BCAS1: variants seen among roughly 807,000 people sequenced by gnomAD.
The protein encoded by BCAS1 is brain enriched myelin associated protein 1, also known as breast carcinoma-amplified sequence 1.
A neutral mutation model predicts 65.4 loss-of-function variants in BCAS1; 46 were observed. The observed-to-expected ratio is 0.70, with a 90% CI of 0.55 to 0.90. The LOEUF is 0.90. BCAS1 is among the 40% of genes least tolerant of loss of function. The pLI is 0.00. For synonymous variants in BCAS1, 298 were observed against 293.5 expected (o/e 1.02, Z -0.16); for missense variants, 793 against 771.2 (o/e 1.03, Z -0.33).
At chr20:53,962,140 A>C (rs912849464) in intron 10 of BCAS1, among the ~76,000 whole-genome samples, 12 of 152,208 alleles carry the variant, frequency 7.9e-5, no homozygotes, top group African/African-American at 2.9e-4. Flanking sequence ...TAACATTTTA[A>C]TGCTCAGAGA....
intron 1 of BCAS1, among the ~76,000 whole-genome samples, chr20:54,061,273 C>G (rs1019689866): frequency 6.6e-6 from 1 of 152,192 alleles, no homozygotes; most frequent in African/African-American, 2.4e-5. Context: ...ACTAGCTTCC[C>G]TTAAAAAGGA....
At chr20:54,041,786 C>T (rs1022153076) in intron 3 of BCAS1, among the ~76,000 whole-genome samples, 1 of 151,232 alleles carries the variant, frequency 6.6e-6, no homozygotes, top group African/African-American at 2.4e-5. Context: ...GTAATCTCAG[C>T]TACTTGGGAG....
intron 4 of BCAS1, among the ~76,000 whole-genome samples, chr20:54,022,970 C>T (rs1477961524): frequency 6.6e-6 from 1 of 152,224 alleles, no homozygotes; most frequent in African/African-American, 2.4e-5. Context: ...TACTCCAAAA[C>T]TTGCATAATG....
intron 12 of BCAS1, among the ~76,000 whole-genome samples, chr20:53,952,883 C>A (rs2089570519): frequency 1.3e-5 from 2 of 152,234 alleles, no homozygotes; most frequent in Non-Finnish European, 2.9e-5. Context: ...CTGCCCAATT[C>A]ATGAACTGTT....
chr20:54,043,640 GTC>G (rs2092042559), intron 3 of BCAS1, among the ~76,000 whole-genome samples: 2 of 152,152 alleles, frequency 1.3e-5, no homozygotes, highest in African/African-American at 4.8e-5. Context: ...TTCTTACATG[GTC>G]CTCAGACTTG....
rs772827869 is a variant in BCAS1 at position 54,028,937 on chromosome 20, C to T, written c.178G>A (p.Ala60Thr). 6.2e-7 allele frequency: 1 copy of T among 1,613,450 alleles called. No homozygotes were observed. Among genetic ancestry groups the T allele is most frequent in the Non-Finnish European group, 8.5e-7 (1 of 1,179,862 alleles). Residue 60 changes from alanine (A) to threonine (T), a missense_variant, in exon 4 of 13, where the codon GCC becomes ACC. Ala to Thr is a moderately conservative substitution (Grantham distance 58). Coordinates refer to ENST00000688948, the MANE Select transcript of BCAS1 (RefSeq NM_001366298.2). ...LGISVKTDNV[A>T]TSSPETTEIS... ...TCCGTTGTCTCGGGGGAAGAAGTGG[C>T]CACATTATCCGTCTTGACACTTATT...
chr20:54,029,566 A>G (rs1310395520), intron 3 of BCAS1, among the ~76,000 whole-genome samples: 1 of 152,226 alleles, frequency 6.6e-6, no homozygotes, highest in Admixed American at 6.5e-5. Flanking sequence ...CTGAGCTGAA[A>G]TGTCTTTTTG....
intron 8 of BCAS1, among the ~76,000 whole-genome samples, chr20:53,977,875 CTTTT>C (rs919167398): frequency 6.6e-6 from 1 of 152,116 alleles, no homozygotes; most frequent in East Asian, 1.9e-4. Flanking sequence ...TGTTCTAATT[CTTTT>C]TTTAATTTAT....
intron 4 of BCAS1, among the ~76,000 whole-genome samples, chr20:53,999,820 T>C (rs1038637359): frequency 6.6e-6 from 1 of 152,146 alleles, no homozygotes; most frequent in African/African-American, 2.4e-5. Flanking sequence ...AACCTCTGTC[T>C]CCCTGGCTCA....
intron 3 of BCAS1, among the ~76,000 whole-genome samples, chr20:54,030,131 C>A (rs925834286): frequency 1.3e-5 from 2 of 152,162 alleles, no homozygotes; most frequent in African/African-American, 4.8e-5. Flanking sequence ...TCTACCTTGA[C>A]CTAAATTAAC....
At chr20:54,043,093 C>T (rs1265210836) in intron 3 of BCAS1, among the ~76,000 whole-genome samples, 1 of 152,172 alleles carries the variant, frequency 6.6e-6, no homozygotes, top group Non-Finnish European at 1.5e-5. Flanking sequence ...ACCACATAGC[C>T]AACTTACTGG....
chr20:53,989,351 T>A (rs868729459), intron 7 of BCAS1, among the ~76,000 whole-genome samples: 1 of 152,174 alleles, frequency 6.6e-6, no homozygotes, highest in Non-Finnish European at 1.5e-5. Flanking sequence ...ACTATATAAT[T>A]CTAATTTATT....
chr20:54,057,087 C>T (rs978164227), intron 3 of BCAS1, among the ~76,000 whole-genome samples: 5 of 152,074 alleles, frequency 3.3e-5, no homozygotes, highest in African/African-American at 9.7e-5. Flanking sequence ...TATATGTATC[C>T]GTCACATAGT....
At chr20:54,069,928 C>G (rs988157712) in intron 1 of BCAS1, among the ~76,000 whole-genome samples, 1 of 152,214 alleles carries the variant, frequency 6.6e-6, no homozygotes, top group African/African-American at 2.4e-5. Context: ...GGATTTGAAT[C>G]AGCAGCTGCC....
At chr20:54,050,542 G>A (rs1288656179) in intron 3 of BCAS1, among the ~76,000 whole-genome samples, 1 of 152,186 alleles carries the variant, frequency 6.6e-6, no homozygotes, top group African/African-American at 2.4e-5. Flanking sequence ...TTCTTTTTAC[G>A]TATAGAGCAC....
At chr20:53,998,919 T>G (rs144543316) in intron 4 of BCAS1, among the ~76,000 whole-genome samples, 14 of 152,200 alleles carry the variant, frequency 9.2e-5, no homozygotes, top group Admixed American at 3.3e-4. Context: ...AATATTACAA[T>G]TAACAGTTTC....
intron 4 of BCAS1, among the ~76,000 whole-genome samples, chr20:54,004,744 A>G (rs2091144175): frequency 6.6e-6 from 1 of 152,118 alleles, no homozygotes; most frequent in African/African-American, 2.4e-5. Flanking sequence ...TGTATTGTGG[A>G]CTTAAAGTTT....
At chr20:54,060,069 G>A (rs979964625) in intron 1 of BCAS1, among the ~76,000 whole-genome samples, 2 of 152,302 alleles carry the variant, frequency 1.3e-5, no homozygotes, top group South Asian at 4.1e-4. Flanking sequence ...GATAGTTCAA[G>A]GCAGCATGGC....
chr20:54,034,554 T>G (rs2091862147), intron 3 of BCAS1, among the ~76,000 whole-genome samples: 1 of 150,696 alleles, frequency 6.6e-6, no homozygotes, highest in Non-Finnish European at 1.5e-5. Flanking sequence ...AAGAGTAAAA[T>G]ACCTAGGAAA....
Sources: gnomAD v4.1 joint callset for allele counts (sites outside exome capture counted in the v4.1 genomes callset) on GRCh38, gnomAD v4.1.1 for gene constraint, MANE v1.5 for transcripts, NCBI Gene and HGNC (gene_info 2026-07-23, HGNC 2026-07-21) for gene names.